Variants in MAJIN observed in about 807,000 individuals in gnomAD.
The protein encoded by MAJIN is membrane anchored junction protein, also known as membrane-anchored junction protein.
A neutral mutation model predicts 30.2 loss-of-function variants in MAJIN; 27 were observed. The observed-to-expected ratio is 0.89, with a 90% confidence interval of 0.66 to 1.23. The LOEUF is 1.23. MAJIN is among the 50% of genes most tolerant of loss of function. The probability of loss-of-function intolerance (pLI) is 0.00; values close to 1 mark genes in which losing one functional copy is unlikely to be tolerated. For missense variants in MAJIN, 253 were observed against 260.3 expected, an observed-to-expected ratio of 0.97 and a Z score of 0.19; for synonymous variants, 78 against 91.6, an observed-to-expected ratio of 0.85 and a Z score of 0.85.
intron 1 of MAJIN, among the ~76,000 whole-genome samples, chr11:64,968,797 A>G (rs1336237594): frequency 6.7e-6 from 1 of 149,498 alleles, no homozygotes; most frequent in African/African-American, 2.5e-5. Flanking sequence ...GCACCACTAC[A>G]CTCCAGCCTG....
At position 64,949,630 on chromosome 11, in the gene MAJIN, G is replaced by T. The variant is rs111539245; in HGVS notation, c.349+113C>A. ...AGTCTGGCCTGGAGCACATGATCCTGACCTGTGCACTGTATGGCTGGAGCC... is the reference window on the plus strand; with the variant it reads ...AGTCTGGCCTGGAGCACATGATCCTTACCTGTGCACTGTATGGCTGGAGCC... On this transcript the variant is annotated intron_variant, in intron 6 of 10. Coordinates refer to ENST00000301896, the MANE Select transcript of MAJIN (RefSeq NM_001037225.3). 2,255 of 1,367,778 alleles carry T rather than the reference G, an allele frequency of 1.6e-3. 35 individuals are homozygous for T. In the African/African-American group the frequency reaches 0.026, roughly 16 times the overall value. The allele number at this position is 1,367,778 out of a possible 1,614,324, so 84.7% of individuals were successfully genotyped here.
chr11:64,949,634 T>C, intron 6 of MAJIN, 109 bp downstream of exon 6: 3 of 1,412,142 alleles, frequency 2.1e-6, no homozygotes, highest in Non-Finnish European at 2.9e-6. Flanking sequence ...GATCCTGACC[T>C]GTGCACTGTA....
intron 1 of MAJIN, among the ~76,000 whole-genome samples, chr11:64,966,912 C>T (rs115100946): frequency 1.8e-3 from 247 of 138,664 alleles, no homozygotes; most frequent in African/African-American, 6.2e-3. Context: ...CCAGCCTGAG[C>T]GACAGAATGA....
At chr11:64,946,131 G>T (rs1395276768) in intron 8 of MAJIN, 1 of 1,535,484 alleles carries the variant, frequency 6.5e-7, no homozygotes, top group East Asian at 2.4e-5. Flanking sequence ...CTGGGGCCTT[G>T]GCTGGAAGTC....
At chr11:64,956,781 T>TTC (rs1590701528) in intron 3 of MAJIN, among the ~76,000 whole-genome samples, 1 of 150,148 alleles carries the variant, frequency 6.7e-6, no homozygotes, top group East Asian at 2.0e-4. Flanking sequence ...TTTTTTTTTT[T>TTC]TTGAGATGTT....
chr11:64,970,684 GAAAA>G (rs1168434880), intron 1 of MAJIN, among the ~76,000 whole-genome samples: 1 of 151,596 alleles, frequency 6.6e-6, no homozygotes, highest in Non-Finnish European at 1.5e-5. Context: ...TTAAAAAAAA[GAAAA>G]AAAGAAGAAA....
At chr11:64,961,768 G>A (rs1018001205) in intron 1 of MAJIN, among the ~76,000 whole-genome samples, 6 of 149,630 alleles carry the variant, frequency 4.0e-5, no homozygotes, top group South Asian at 4.2e-4. Flanking sequence ...GAGCCACTGC[G>A]CCTGGCTCTT....
chr11:64,961,561 C>T lies in MAJIN; in HGVS notation c.-64-1426G>A, dbSNP rs1945726278. 2.8e-5 allele frequency among the ~76,000 whole-genome samples: 4 copies of T among 145,036 alleles called. No homozygotes were observed. The South Asian group carries it at 6.7e-4, about 24-fold the overall frequency. Reference sequence around the variant, plus strand: ...CGTGATCTCTGCTCACTGCAAGCTCCACCTCCCAGGTTCACGCCATTCTCC... The same window carrying T: ...CGTGATCTCTGCTCACTGCAAGCTCTACCTCCCAGGTTCACGCCATTCTCC... On this transcript the variant is annotated intron_variant, in intron 1 of 10. Coordinates refer to ENST00000301896, the MANE Select transcript of MAJIN (RefSeq NM_001037225.3).
intron 3 of MAJIN, among the ~76,000 whole-genome samples, chr11:64,955,549 T>C (rs1408797399): frequency 4.6e-5 from 7 of 152,248 alleles, no homozygotes; most frequent in Admixed American, 3.9e-4. Flanking sequence ...CAAACTATGG[T>C]TGTTATTCAT....
intron 8 of MAJIN, among the ~76,000 whole-genome samples, chr11:64,943,129 C>T (rs1945402850): frequency 6.6e-6 from 1 of 152,166 alleles, no homozygotes; most frequent in African/African-American, 2.4e-5. Context: ...CTCTGAAAAC[C>T]TGATGCAAGA....
chr11:64,954,374 TAC>T (rs1348470560), intron 4 of MAJIN: 9 of 365,666 alleles, frequency 2.5e-5, no homozygotes, highest in Non-Finnish European at 5.2e-6. Flanking sequence ...TCTGTGTATT[TAC>T]AGTCGAGTTT....
At chr11:64,962,075 T>G (rs899531129) in intron 1 of MAJIN, among the ~76,000 whole-genome samples, 2 of 152,164 alleles carry the variant, frequency 1.3e-5, no homozygotes, top group Non-Finnish European at 2.9e-5. Flanking sequence ...CATGAACCAC[T>G]GCCATCTGGC....
Position 64,946,051 on chromosome 11 carries a change from G to C in MAJIN, c.473+1323C>G, listed in dbSNP as rs1407169929. 8 of 1,498,494 alleles carry C rather than the reference G, an allele frequency of 5.3e-6. No individual in the cohort carries two copies. The Admixed American group carries it at 1.7e-4, about 33-fold the overall frequency. The allele number at this position is 1,498,494 out of a possible 1,614,324, so 92.8% of individuals were successfully genotyped here. A position where few individuals can be genotyped will look rare whatever the true frequency, so the allele number is the denominator to read the frequency against. ...AACAGGAATAGCTAATAGCCTTGAA[G>C]GCTCCATTTTAGTACTAAGGCTCCA... On this transcript the variant is annotated intron_variant, in intron 8 of 10. Transcript: ENST00000301896.
At chr11:64,948,886 T>C (rs1945504980) in intron 6 of MAJIN, among the ~76,000 whole-genome samples, 1 of 147,704 alleles carries the variant, frequency 6.8e-6, no homozygotes, top group Non-Finnish European at 1.5e-5. Flanking sequence ...ACTCCTGGCC[T>C]CAAGTGATCC....
intron 8 of MAJIN, among the ~76,000 whole-genome samples, chr11:64,947,062 G>A (rs1945462388): frequency 6.6e-6 from 1 of 152,162 alleles, no homozygotes; most frequent in African/African-American, 2.4e-5. Flanking sequence ...CATAAGTCCT[G>A]TGCCTTCTGG....
rs71049670 is a variant in MAJIN at position 64,948,639 on chromosome 11, A to ATT, written c.350-822_350-821dup. ...TATATATATATATATATATATATAT[A>ATT]TTTTTTTTTTTTTTTTTTTTTTTTT... is the stretch of plus-strand genomic sequence containing the variant. On this transcript the variant is annotated intron_variant, in intron 6 of 10. Coordinates refer to ENST00000301896, the MANE Select transcript of MAJIN (RefSeq NM_001037225.3). Among the ~76,000 whole-genome samples, 4 of 18,480 alleles carry ATT rather than the reference A, an allele frequency of 2.2e-4. 1 individual carries two copies. Among genetic ancestry groups the ATT allele is most frequent in the Non-Finnish European group, 3.2e-4 (4 of 12,420 alleles). 12.1% of individuals were successfully genotyped at this position (18,480 alleles called of 152,430 possible). A position where few individuals can be genotyped will look rare whatever the true frequency, so the allele number is the denominator to read the frequency against.
At chr11:64,940,841 T>TTTC (rs1945366242) in intron 8 of MAJIN, among the ~76,000 whole-genome samples, 195 bp from the exon 9 acceptor site, 1 of 131,464 alleles carries the variant, frequency 7.6e-6, no homozygotes, top group South Asian at 2.7e-4. Flanking sequence ...CTTTCTTTTT[T>TTTC]TTTTTTTTTT....
intron 8 of MAJIN, among the ~76,000 whole-genome samples, 185 bp from the exon 9 acceptor site, chr11:64,940,831 C>CTTTTTTTTTTT (rs1945364488): frequency 1.2e-5 from 1 of 85,044 alleles, no homozygotes; most frequent in African/African-American, 5.1e-5. Context: ...TTCTTTTTTT[C>CTTTTTTTTTTT]TTTCTTTTTT....
chr11:64,938,950 GAC>G (rs1326939015), intron 10 of MAJIN, among the ~76,000 whole-genome samples: 3 of 152,274 alleles, frequency 2.0e-5, no homozygotes, highest in Non-Finnish European at 4.4e-5. Context: ...GTTTTTTTGA[GAC>G]AGAGTCTTGC....
Sources: gnomAD v4.1 joint callset for allele counts (sites outside exome capture counted in the v4.1 genomes callset) on GRCh38, gnomAD v4.1.1 for gene constraint, MANE v1.5 for transcripts, NCBI Gene and HGNC (gene_info 2026-07-23, HGNC 2026-07-21) for gene names.